The following CENPP variants were observed in gnomAD, a reference collection of about 807,000 sequenced individuals.
CENPP encodes the protein centromere protein P.
Under a neutral mutation model 35.6 loss-of-function variants are expected in CENPP, and 24 were observed. The observed-to-expected ratio is 0.67, with a 90% CI of 0.49 to 0.95. The LOEUF (loss-of-function observed/expected upper bound fraction) is 0.95, where lower values mean the gene tolerates loss of function less well. Among genes scored for constraint, CENPP ranks in the 40% least tolerant of loss-of-function variants. The probability of loss-of-function intolerance (pLI) is 0.00; values close to 1 mark genes in which losing one functional copy is unlikely to be tolerated. For missense variants in CENPP, 332 were observed against 345.3 expected (o/e 0.96, Z 0.31); for synonymous variants, 120 against 125.5 (o/e 0.96, Z 0.29).
At chr9:92,446,307 C>CTGCTGGAA (rs1844550833) in intron 5 of CENPP, among the ~76,000 whole-genome samples, 1 of 152,142 alleles carries the variant, frequency 6.6e-6, no homozygotes, top group African/African-American at 2.4e-5. Context: ...AGAGATATAA[C>CTGCTGGAA]TGCTGGAAAT....
chr9:92,536,693 C>G (rs1849179974), intron 5 of CENPP: 1 of 152,048 alleles, frequency 6.6e-6, no homozygotes, highest in South Asian at 2.1e-4. Context: ...CAAGCGCAAC[C>G]CTGCTGTTTA....
chr9:92,581,320 A>G (rs1300758801), intron 5 of CENPP, among the ~76,000 whole-genome samples: 2 of 152,170 alleles, frequency 1.3e-5, no homozygotes, highest in Non-Finnish European at 2.9e-5. Flanking sequence ...TCTGCATTCT[A>G]TAAGACATAC....
intron 5 of CENPP, among the ~76,000 whole-genome samples, chr9:92,388,878 A>C (rs1175038233): frequency 6.6e-6 from 1 of 152,026 alleles, no homozygotes; most frequent in Non-Finnish European, 1.5e-5. Flanking sequence ...AAGTCCTCTA[A>C]GAGTCCCTTA....
At chr9:92,546,921 C>T (rs965484028) in intron 5 of CENPP, among the ~76,000 whole-genome samples, 7 of 152,130 alleles carry the variant, frequency 4.6e-5, no homozygotes, top group Non-Finnish European at 1.0e-4. Context: ...ATATTCTTCA[C>T]GAGTTCTACC....
intron 6 of CENPP, among the ~76,000 whole-genome samples, chr9:92,612,189 T>C (rs1019440673): frequency 5.9e-5 from 9 of 152,272 alleles, no homozygotes; most frequent in African/African-American, 1.9e-4. Context: ...CATGGATGCA[T>C]GTTCAGCTTA....
chr9:92,359,028 C>CATGAACTGGG (rs1841668901), intron 4 of CENPP, among the ~76,000 whole-genome samples: 1 of 147,872 alleles, frequency 6.8e-6, no homozygotes. Flanking sequence ...GGGTGCACTG[C>CATGAACTGGG]AACCTCTGCC....
intron 4 of CENPP, among the ~76,000 whole-genome samples, chr9:92,366,718 A>G (rs1372982082): frequency 6.6e-6 from 1 of 152,210 alleles, no homozygotes; most frequent in Non-Finnish European, 1.5e-5. Flanking sequence ...ATCATTGTAC[A>G]GGTAAGCTGA....
chr9:92,600,049 G>C (rs1229800045), intron 5 of CENPP, among the ~76,000 whole-genome samples: 1 of 152,240 alleles, frequency 6.6e-6, no homozygotes, highest in East Asian at 1.9e-4. Context: ...CAGTCACTAA[G>C]TTCAGCACAA....
intron 5 of CENPP, among the ~76,000 whole-genome samples, chr9:92,541,244 G>GC (rs903169842): frequency 6.6e-6 from 1 of 152,188 alleles, no homozygotes; most frequent in Non-Finnish European, 1.5e-5. Flanking sequence ...GGGTGACAGA[G>GC]CGAGACTCCA....
intron 5 of CENPP, among the ~76,000 whole-genome samples, chr9:92,560,843 T>C (rs1310346957): frequency 6.6e-6 from 1 of 151,436 alleles, no homozygotes; most frequent in Non-Finnish European, 1.5e-5. Flanking sequence ...TCCAAACCTA[T>C]CTATGCAGCC....
At chr9:92,412,903 G>C (rs1390006310) in intron 5 of CENPP, among the ~76,000 whole-genome samples, 1 of 151,116 alleles carries the variant, frequency 6.6e-6, no homozygotes, top group East Asian at 1.9e-4. Context: ...GCAAATTTTG[G>C]TGTGAACATG....
intron 5 of CENPP, among the ~76,000 whole-genome samples, chr9:92,444,145 C>G (rs1844492000): frequency 6.6e-6 from 1 of 152,166 alleles, no homozygotes; most frequent in African/African-American, 2.4e-5. Flanking sequence ...CTATATCACT[C>G]CGCTTTGAGA....
At chr9:92,532,010 T>G (rs774346968) in intron 5 of CENPP, among the ~76,000 whole-genome samples, 11 of 141,498 alleles carry the variant, frequency 7.8e-5, no homozygotes, top group Non-Finnish European at 1.7e-4. Context: ...CTTTTTTTAT[T>G]TAATGTTTTT....
chr9:92,479,084 T>C (rs948958182), intron 5 of CENPP, among the ~76,000 whole-genome samples: 4 of 152,020 alleles, frequency 2.6e-5, no homozygotes, highest in Non-Finnish European at 5.9e-5. Flanking sequence ...AGGTTCGAGA[T>C]GAGGAACTGG....
intron 5 of CENPP, among the ~76,000 whole-genome samples, chr9:92,530,414 A>C (rs561324257): frequency 6.6e-6 from 1 of 152,344 alleles, no homozygotes; most frequent in Admixed American, 6.5e-5. Context: ...TTTGAAAAAA[A>C]GTCTGTTAAA....
At chr9:92,608,907 T>C (rs1477932382) in intron 5 of CENPP, among the ~76,000 whole-genome samples, 1 of 152,262 alleles carries the variant, frequency 6.6e-6, no homozygotes, top group East Asian at 1.9e-4. Flanking sequence ...AGCTGCTCCA[T>C]CTGCTCCCTT....
chr9:92,565,949 C>T (rs2131346871), intron 5 of CENPP, among the ~76,000 whole-genome samples: 1 of 152,210 alleles, frequency 6.6e-6, no homozygotes, highest in East Asian at 1.9e-4. Flanking sequence ...GAGTCTGATT[C>T]TTAGCGTTAC....
chr9:92,567,385 T>TATATATATATATATATATAG (rs1588281955), intron 5 of CENPP, among the ~76,000 whole-genome samples: 1 of 95,522 alleles, frequency 1.0e-5, no homozygotes, highest in Non-Finnish European at 2.1e-5. Flanking sequence ...TATATATATA[T>TATATATATATATATATATAG]ATATATATAT....
intron 5 of CENPP, among the ~76,000 whole-genome samples, chr9:92,567,379 T>TAGATATATATATATATATATATAG (rs1000558894): frequency 8.0e-4 from 72 of 90,440 alleles, no homozygotes; most frequent in African/African-American, 3.5e-3. Flanking sequence ...GATAGATATA[T>TAGATATATATATATATATATATAG]ATATATATAT....
Sources: gnomAD v4.1 joint callset for allele counts (sites outside exome capture counted in the v4.1 genomes callset) on GRCh38, gnomAD v4.1.1 for gene constraint, MANE v1.5 for transcripts, NCBI Gene and HGNC (gene_info 2026-07-23, HGNC 2026-07-21) for gene names.